The following NEB variants were observed in gnomAD, a reference collection of about 807,000 sequenced individuals.
NEB encodes nebulin.
A neutral mutation model predicts 952.2 loss-of-function variants in NEB; 512 were observed. The observed-to-expected ratio is 0.54, with a 90% CI of 0.50 to 0.58. The LOEUF (loss-of-function observed/expected upper bound fraction) is 0.58. Ranked by LOEUF, NEB falls within the 20% of genes least tolerant of loss-of-function variation. The pLI, the probability that NEB is intolerant of heterozygous loss-of-function variation, is 0.00. For synonymous variants in NEB, 2,900 were observed against 3,149.8 expected (o/e 0.92, Z 2.66); for missense variants, 8,428 against 9,231.1 (o/e 0.91, Z 3.56).
At chr2:151,537,054 CTA>C in intron 141 of NEB, 76 bp downstream of exon 141, 3 of 837,750 alleles carry the variant, frequency 3.6e-6, no homozygotes, top group Non-Finnish European at 5.7e-6. Flanking sequence ...ACATGAAAGA[CTA>C]TTTCTCAGTG....
chr2:151,699,885 A>G (rs1477354144), intron 13 of NEB, among the ~76,000 whole-genome samples: 1 of 151,696 alleles, frequency 6.6e-6, no homozygotes, highest in Admixed American at 6.6e-5. Flanking sequence ...CGATTTGTCA[A>G]TTTTGGCTTT....
intron 161 of NEB, among the ~76,000 whole-genome samples, chr2:151,511,067 C>G (rs1040784071): frequency 2.0e-5 from 3 of 152,190 alleles, no homozygotes; most frequent in African/African-American, 7.2e-5. Context: ...CCCAGGAGAG[C>G]AGAGCAAGTG....
At chr2:151,709,367 G>A (rs889013073) in intron 12 of NEB, among the ~76,000 whole-genome samples, 3 of 152,160 alleles carry the variant, frequency 2.0e-5, no homozygotes. Flanking sequence ...TGGTTCCTCA[G>A]GCAAATAATA....
intron 55 of NEB, among the ~76,000 whole-genome samples, chr2:151,645,710 A>G (rs2154121166): frequency 6.6e-6 from 1 of 152,336 alleles, no homozygotes; most frequent in Non-Finnish European, 1.5e-5. Context: ...TGCAATGATA[A>G]TGACAATAAA....
intron 179 of NEB, chr2:151,491,131 A>G (rs1275199092): frequency 6.5e-6 from 1 of 153,832 alleles, no homozygotes; most frequent in Non-Finnish European, 1.4e-5. Context: ...TCTAGGCTCA[A>G]GCTATCCTCC....
At chr2:151,649,627 G>A (rs2099007725) in intron 54 of NEB, among the ~76,000 whole-genome samples, 1 of 152,076 alleles carries the variant, frequency 6.6e-6, no homozygotes, top group Non-Finnish European at 1.5e-5. Context: ...TATATTTTAT[G>A]TATTTTTTCA....
intron 60 of NEB, among the ~76,000 whole-genome samples, 186 bp from the exon 61 acceptor site, chr2:151,640,852 A>G (rs189831062): frequency 1.3e-5 from 2 of 152,032 alleles, no homozygotes; most frequent in Non-Finnish European, 2.9e-5. Flanking sequence ...TATATCTTAT[A>G]TAAAATATAT....
At chr2:151,505,732 G>A (rs143183687) in intron 164 of NEB, among the ~76,000 whole-genome samples, 162 bp from the exon 165 acceptor site, 105 of 152,286 alleles carry the variant, frequency 6.9e-4, no homozygotes, top group African/African-American at 2.4e-3. Flanking sequence ...CTGATACTGG[G>A]TAAGAGGAGA....
chr2:151,528,472 GGTAC>G (rs1415572162), intron 146 of NEB, among the ~76,000 whole-genome samples: 15 of 152,068 alleles, frequency 9.9e-5, no homozygotes, highest in Non-Finnish European at 4.4e-5. Context: ...GATTTTGCAA[GGTAC>G]GTTTTACTGC....
intron 141 of NEB, 92 bp downstream of exon 141, chr2:151,537,040 G>C (rs1056473303): frequency 1.9e-5 from 14 of 731,900 alleles, no homozygotes; most frequent in Non-Finnish European, 2.9e-5. Context: ...TGATAGGGAT[G>C]GAAACATGAA....
At chr2:151,550,144 G>A (rs1416865351) in intron 129 of NEB, among the ~76,000 whole-genome samples, 1 of 151,452 alleles carries the variant, frequency 6.6e-6, no homozygotes, top group East Asian at 1.9e-4. Context: ...GCGTGTACCT[G>A]TAGTCCCAGC....
At chr2:151,493,532 T>G in intron 175 of NEB, 87 bp from the exon 176 acceptor site, 1 of 860,614 alleles carries the variant, frequency 1.2e-6, no homozygotes, top group Non-Finnish European at 1.8e-6. Context: ...TGGCTCATGT[T>G]ATGGCTCAGT....
rs1320492727 is a variant in NEB, at chr2:151,616,202, A to C, written c.11182-93T>G. 6 of 891,546 alleles carry C rather than the reference A, an allele frequency of 6.7e-6. No individual in the cohort carries two copies. In the South Asian group the frequency reaches 9.4e-5, roughly 14 times the overall value. 55.2% of individuals were successfully genotyped at this position (891,546 alleles called of 1,614,324 possible). On this transcript the variant is annotated intron_variant, in intron 75 of 181. Transcript: ENST00000397345. ...TTCTTTGTCCTCATTTAAACTTCAG[A>C]AATAATTCACAAAGTCAATCATTAG...
In NEB at chr2:151,540,746, T is replaced by C. The variant is rs764966388; in HGVS notation, c.20738A>G (p.Gln6913Arg). 1.2e-6 allele frequency: 2 copies of C among 1,613,614 alleles called. No individual in the cohort carries two copies. Among genetic ancestry groups the C allele is most frequent in the African/African-American group, 2.7e-5 (2 of 74,898 alleles). The change falls in exon 137 of 182, where the codon CAG becomes CGG. Residue 6913 changes from glutamine to arginine, a missense_variant. This residue lies in a region of NEB where 3,374 missense variants were observed against 3,651.5 expected (regional missense o/e 0.92). Coordinates refer to ENST00000397345, the MANE Select transcript of NEB (RefSeq NM_001164508.2). ...TTTAGCATGCTTCAAGGCTGTGGTC[T>C]GGTTTCCAGCGTGATGATGGGGTCT... ...KERPHHHAGNQTTALKHAKDV... is the reference protein window; with the variant it reads ...KERPHHHAGNRTTALKHAKDV...
chr2:151,538,372 C>T (rs1391378539), intron 138 of NEB, 128 bp from the exon 139 acceptor site: 3 of 679,582 alleles, frequency 4.4e-6, no homozygotes, highest in Admixed American at 5.4e-5. Flanking sequence ...AATTTAAAAG[C>T]TTATTTCAGA....
chr2:151,675,989 C>G (rs1344731776), intron 34 of NEB, among the ~76,000 whole-genome samples: 1 of 152,168 alleles, frequency 6.6e-6, no homozygotes, highest in African/African-American at 2.4e-5. Context: ...AGAAATCTTA[C>G]TGCATCCTCC....
At position 151,565,704 on chromosome 2, in the gene NEB, G is replaced by A. The variant is rs752295097; in HGVS notation, c.18261+12C>T. The A allele has an allele frequency of 6.8e-6, 11 of 1,606,824 alleles. No individual in the cohort carries two copies. The highest frequency in any genetic ancestry group is 4.4e-5 in the South Asian group (4 of 90,180). On this transcript the variant is annotated intron_variant, in intron 115 of 181. Coordinates refer to ENST00000397345, the MANE Select transcript of NEB (RefSeq NM_001164508.2). ...ACAGGCATAGGTTAGAAGGAGAATA[G>A]GCTTTGCGTACCTGACTCATCATTT... is the stretch of plus-strand genomic sequence containing the variant.
chr2:151,554,785 G>T lies in NEB; in HGVS notation c.19428+146C>A, dbSNP rs1213665069. The T allele has an allele frequency of 1.4e-5, 10 of 695,992 alleles. No individual in the cohort carries two copies. In the East Asian group the frequency reaches 2.6e-4, roughly 18 times the overall value. 43.1% of individuals were successfully genotyped at this position (695,992 alleles called of 1,614,324 possible). On this transcript the variant is annotated intron_variant, in intron 125 of 181. Transcript: ENST00000397345. Reference sequence around the variant, plus strand: ...ATTCAGTACAGTAACATGCTGTACAGGTTTGTAGTCTAGGAGCAATAGGCT... The same window carrying T: ...ATTCAGTACAGTAACATGCTGTACATGTTTGTAGTCTAGGAGCAATAGGCT...
At chr2:151,551,927 T>G in intron 128 of NEB, 82 bp from the exon 129 acceptor site, 1 of 956,850 alleles carries the variant, frequency 1.0e-6, no homozygotes, top group South Asian at 1.5e-5. Flanking sequence ...GTAGCCTGCT[T>G]CCCTTTGCCT....
Sources: gnomAD v4.1 joint callset for allele counts (sites outside exome capture counted in the v4.1 genomes callset) on GRCh38, gnomAD v4.1.1 for gene constraint, gnomAD v4.1.1 regional missense constraint, MANE v1.5 for transcripts, NCBI Gene and HGNC (gene_info 2026-07-23, HGNC 2026-07-21) for gene names.